The following NCOA7 variants were observed in gnomAD, a reference collection of about 807,000 sequenced individuals.
NCOA7 encodes 140 kDa estrogen receptor-associated protein.
A neutral mutation model predicts 104.3 loss-of-function variants in NCOA7; 45 were observed. The ratio of observed to expected loss-of-function variants is 0.43; its 90% CI spans 0.34 to 0.55. The LOEUF (loss-of-function observed/expected upper bound fraction) is 0.55. Among genes scored for constraint, NCOA7 ranks in the 20% least tolerant of loss-of-function variants. The pLI, the probability that NCOA7 is intolerant of heterozygous loss-of-function variation, is 0.02. For missense variants in NCOA7, 1,041 were observed against 1,119.7 expected (o/e 0.93, Z 1.00); for synonymous variants, 398 against 402.3 (o/e 0.99, Z 0.13).
intron 10 of NCOA7, among the ~76,000 whole-genome samples, chr6:125,903,476 A>G (rs949022180): frequency 6.6e-6 from 1 of 152,126 alleles, no homozygotes; most frequent in African/African-American, 2.4e-5. Flanking sequence ...TGCTAAAGCT[A>G]TGAACGCATG....
intron 5 of NCOA7, among the ~76,000 whole-genome samples, chr6:125,880,469 T>A (rs1226573205): frequency 6.6e-6 from 1 of 152,060 alleles, no homozygotes; most frequent in Non-Finnish European, 1.5e-5. Context: ...CTGCCCAGAA[T>A]ACTTACCCAC....
intron 13 of NCOA7, among the ~76,000 whole-genome samples, chr6:125,925,780 T>C (rs1787970799): frequency 6.6e-6 from 1 of 152,262 alleles, no homozygotes; most frequent in South Asian, 2.1e-4. Context: ...TTGCTCTTCA[T>C]CTATTCCCTT....
chr6:125,926,260 T>C (rs7765546), intron 13 of NCOA7, among the ~76,000 whole-genome samples: 147,304 of 150,998 alleles, frequency 0.98, 71,868 homozygotes, highest in East Asian at 1. Flanking sequence ...GCAGAGGGGC[T>C]GAGATCATGC....
intron 4 of NCOA7, among the ~76,000 whole-genome samples, chr6:125,875,898 C>G (rs1783330769): frequency 6.6e-6 from 1 of 152,126 alleles, no homozygotes; most frequent in Non-Finnish European, 1.5e-5. Flanking sequence ...TACTACAACT[C>G]CACACTGTGT....
intron 1 of NCOA7, among the ~76,000 whole-genome samples, chr6:125,782,030 AATGCAGGATCC>A (rs1774249948): frequency 6.6e-6 from 1 of 152,094 alleles, no homozygotes; most frequent in Non-Finnish European, 1.5e-5. Flanking sequence ...ATGTTCTGTA[AATGCAGGATCC>A]ACACTGTATG....
chr6:125,798,363 T>A (rs1775540835), intron 1 of NCOA7, among the ~76,000 whole-genome samples: 1 of 152,230 alleles, frequency 6.6e-6, no homozygotes, highest in African/African-American at 2.4e-5. Context: ...ATCTGTCAAA[T>A]GAAGATAATA....
chr6:125,908,951 G>A (rs758236200), intron 10 of NCOA7, among the ~76,000 whole-genome samples: 2 of 152,210 alleles, frequency 1.3e-5, no homozygotes, highest in Non-Finnish European at 2.9e-5. Context: ...TCATTCCCTT[G>A]CAGTCTTGCA....
chr6:125,881,418 C>G (rs970750054), intron 6 of NCOA7, among the ~76,000 whole-genome samples: 2 of 152,014 alleles, frequency 1.3e-5, no homozygotes, highest in African/African-American at 4.8e-5. Context: ...GCCTGTAGTC[C>G]CAGCACTCTG....
chr6:125,859,265 C>T (rs917219081), intron 3 of NCOA7, among the ~76,000 whole-genome samples: 1 of 151,332 alleles, frequency 6.6e-6, no homozygotes, highest in African/African-American at 2.4e-5. Flanking sequence ...CAAAAATTGA[C>T]AGACTAGGAA....
intron 2 of NCOA7, among the ~76,000 whole-genome samples, chr6:125,836,236 A>T (rs886161831): frequency 6.6e-6 from 1 of 152,234 alleles, no homozygotes; most frequent in African/African-American, 2.4e-5. Context: ...AGAGCACTTT[A>T]AAAAATGTAT....
chr6:125,889,477 G>A lies in NCOA7; in HGVS notation c.1423G>A (p.Asp475Asn). The A allele has an allele frequency of 6.2e-7, 1 of 1,614,130 alleles. No homozygotes were observed. Among genetic ancestry groups the A allele is most frequent in the East Asian group, 2.2e-5 (1 of 44,864 alleles). ...SALAFLGTEN[D>N]VELKGALDLE... ...CCTAGCCTTTTTGGGAACAGAGAAT[G>A]ATGTTGAACTGAAGGGGGCGCTAGA... Residue 475 changes from aspartate to asparagine, a missense_variant, in exon 9 of 16, where the codon GAT becomes AAT. Transcript: ENST00000392477.
intron 4 of NCOA7, among the ~76,000 whole-genome samples, chr6:125,876,166 C>T (rs1290766821): frequency 6.6e-6 from 1 of 152,170 alleles, no homozygotes; most frequent in Non-Finnish European, 1.5e-5. Context: ...CTATATAAGA[C>T]AGGCAGCAAG....
upstream of NCOA7, among the ~76,000 whole-genome samples, chr6:125,786,438 G>A (rs1228185530): frequency 2.6e-5 from 4 of 152,070 alleles, no homozygotes; most frequent in Admixed American, 2.6e-4. Flanking sequence ...TACAAATTTT[G>A]TTAAAGAGTA....
intron 3 of NCOA7, among the ~76,000 whole-genome samples, chr6:125,872,736 T>C (rs1388420267): frequency 2.0e-5 from 3 of 152,246 alleles, no homozygotes; most frequent in Non-Finnish European, 4.4e-5. Context: ...AAACTAGTTT[T>C]TACATTTGTT....
chr6:125,808,726 C>G (rs983753901), intron 1 of NCOA7, among the ~76,000 whole-genome samples: 1 of 152,206 alleles, frequency 6.6e-6, no homozygotes, highest in East Asian at 1.9e-4. Context: ...CTGGCATTTT[C>G]TACACCTTCT....
In NCOA7 at chr6:125,881,156, G is replaced by A; in HGVS notation, c.526G>A (p.Ala176Thr). 1 of 1,613,958 alleles carries A rather than the reference G, an allele frequency of 6.2e-7. No individual in the cohort carries two copies. The highest frequency in any genetic ancestry group is 8.5e-7 in the Non-Finnish European group (1 of 1,179,908). Residue 176 changes from alanine (A) to threonine (T), a missense_variant, in exon 6 of 16, where the codon GCT becomes ACT. Ala to Thr is a moderately conservative substitution (Grantham distance 58). Around this residue, in one of 2 missense-constraint regions of NCOA7, gnomAD observed 914 missense variants for 942.7 expected, o/e 0.97. Transcript: ENST00000392477. ...TLRLSSSSPG[A>T]TVSPSSSDAE... Reference sequence around the variant, plus strand: ...AAGGCTATCATCATCCAGTCCTGGTGCTACTGTCTCTCCTTCATCATCAGA... The same window carrying A: ...AAGGCTATCATCATCCAGTCCTGGTACTACTGTCTCTCCTTCATCATCAGA...
At chr6:125,880,962 T>C in intron 5 of NCOA7, 128 bp from the exon 6 acceptor site, 1 of 669,298 alleles carries the variant, frequency 1.5e-6, no homozygotes. Context: ...CTTATGAGTT[T>C]CTTGAAAGCA....
intron 10 of NCOA7, among the ~76,000 whole-genome samples, 190 bp downstream of exon 10, chr6:125,891,000 G>T (rs1784582147): frequency 6.6e-6 from 1 of 152,174 alleles, no homozygotes; most frequent in South Asian, 2.1e-4. Context: ...TAACAAATAT[G>T]GAGTCATCAT....
chr6:125,840,867 GGTTTTTTTTTTTTTTTTTTTTT>G (rs1780075089), intron 2 of NCOA7, among the ~76,000 whole-genome samples: 1 of 50,658 alleles, frequency 2.0e-5, no homozygotes, highest in African/African-American at 7.4e-5. Context: ...TTGTTTGGTT[GGTTTTTTTTTTTTTTTTTTTTT>G]TTTTTTTTTT....
Sources: allele counts gnomAD v4.1 joint callset (sites outside exome capture counted in the v4.1 genomes callset), GRCh38; gene constraint gnomAD v4.1.1; regional missense constraint gnomAD v4.1.1; transcripts MANE v1.5; gene names NCBI Gene and HGNC (gene_info 2026-07-23, HGNC 2026-07-21).